The following ENTPD1 variants were observed in gnomAD, a reference collection of about 807,000 sequenced individuals.
ENTPD1 encodes ectonucleoside triphosphate diphosphohydrolase 1.
ENTPD1 carries 33 observed loss-of-function variants against 57.0 expected under a neutral mutation model. That is an observed-to-expected ratio of 0.58 (90% CI 0.44 to 0.77). ENTPD1 has a LOEUF of 0.77. Among genes scored for constraint, ENTPD1 ranks in the 30% least tolerant of loss-of-function variants. ENTPD1 has a pLI of 0.00. For missense variants in ENTPD1, 501 were observed against 603.4 expected (o/e 0.83, Z 1.78); for synonymous variants, 202 against 218.8 (o/e 0.92, Z 0.68).
intron 1 of ENTPD1, among the ~76,000 whole-genome samples, chr10:95,717,116 T>C (rs565021454): frequency 1.5e-4 from 23 of 152,370 alleles, no homozygotes; most frequent in African/African-American, 5.3e-4. Flanking sequence ...CTTCTTGCTG[T>C]TCTGTGAGTA....
intron 7 of ENTPD1, among the ~76,000 whole-genome samples, chr10:95,857,007 GT>G (rs200953594): frequency 8.2e-4 from 124 of 150,500 alleles, no homozygotes; most frequent in Non-Finnish European, 1.4e-3. Flanking sequence ...TAATAAACGT[GT>G]TTTTTTTTAA....
In ENTPD1 at chr10:95,873,266, G is replaced by A; in HGVS notation, c.*6883G>A. 1 of 984,982 alleles carries A rather than the reference G, an allele frequency of 1.0e-6. No individual in the cohort carries two copies. The highest frequency in any genetic ancestry group is 1.2e-6 in the Non-Finnish European group (1 of 829,568). The allele number at this position is 984,982 out of a possible 1,614,324, so 61.0% of individuals were successfully genotyped here. A position where few individuals can be genotyped will look rare whatever the true frequency, so the allele number is the denominator to read the frequency against. ...CACTACCTGACTACTGTCATTCACA[G>A]GCATTCTGTTCCACAGCAGGCCAGC... On this transcript the variant is annotated 3_prime_UTR_variant, in exon 10 of 10. Transcript: ENST00000371205.
chr10:95,800,750 C>T (rs1462125255), intron 1 of ENTPD1, among the ~76,000 whole-genome samples: 3 of 152,150 alleles, frequency 2.0e-5, no homozygotes, highest in Non-Finnish European at 4.4e-5. Context: ...GTATTCTGCC[C>T]GACCCCACAG....
rs1457749704 is a variant in ENTPD1, at chr10:95,845,380, C to A, written c.597C>A (p.Val199=). 1 of 1,614,048 alleles carries A rather than the reference C, an allele frequency of 6.2e-7. No homozygotes were observed. Among genetic ancestry groups the A allele is most frequent in the Non-Finnish European group, 8.5e-7 (1 of 1,180,040 alleles). ...FSQKTRWFSI[V]PYETNNQETF... is the part of the protein sequence containing the mutation. Reference sequence around the variant, plus strand: ...AGAAAACAAGGTGGTTCAGCATAGTCCCATATGAAACCAATAATCAGGAAA... The same window carrying A: ...AGAAAACAAGGTGGTTCAGCATAGTACCATATGAAACCAATAATCAGGAAA... The change falls in exon 6 of 10, where the codon GTC becomes GTA. Residue 199 remains valine, a synonymous_variant. Transcript: ENST00000371205.
At chr10:95,810,384 G>C (rs917305489) in intron 1 of ENTPD1, among the ~76,000 whole-genome samples, 17 of 149,958 alleles carry the variant, frequency 1.1e-4, no homozygotes, top group African/African-American at 3.9e-4. Context: ...CGGCCGGGCA[G>C]AGGTGCTCCT....
chr10:95,739,936 G>T (rs1310294341), intron 1 of ENTPD1, among the ~76,000 whole-genome samples: 2 of 152,144 alleles, frequency 1.3e-5, no homozygotes, highest in Admixed American at 1.3e-4. Context: ...TCATCTTCTT[G>T]TACATTTCCA....
At chr10:95,767,141 CA>C (rs1298456507) in intron 1 of ENTPD1, among the ~76,000 whole-genome samples, 3 of 151,118 alleles carry the variant, frequency 2.0e-5, no homozygotes, top group Non-Finnish European at 4.4e-5. Context: ...GGTGAAACCC[CA>C]TCTCTACTAA....
At chr10:95,750,453 C>T (rs1157251461) in intron 1 of ENTPD1, among the ~76,000 whole-genome samples, 1 of 152,096 alleles carries the variant, frequency 6.6e-6, no homozygotes, top group Non-Finnish European at 1.5e-5. Flanking sequence ...CCCTCTCTTG[C>T]TATGTGATGT....
intron 7 of ENTPD1, among the ~76,000 whole-genome samples, chr10:95,859,823 G>T (rs2098462178): frequency 6.7e-6 from 1 of 148,734 alleles, no homozygotes; most frequent in African/African-American, 2.5e-5. Context: ...CTAAGTAGTA[G>T]AATTTAGAGG....
upstream of ENTPD1, chr10:95,755,946 G>A: frequency 6.8e-7 from 1 of 1,474,488 alleles, no homozygotes; most frequent in Non-Finnish European, 8.9e-7. Flanking sequence ...AGAGAGATTT[G>A]AATATACATT....
Position 95,805,312 on chromosome 10 carries a change from C to A in ENTPD1, c.17-17925C>A, listed in dbSNP as rs143815050. On this transcript the variant is annotated intron_variant, in intron 1 of 9. Coordinates refer to ENST00000371205, the MANE Select transcript of ENTPD1 (RefSeq NM_001776.6). ...TTTTACAAGAGACTAGGATTGCAAC[C>A]CCTCCTTTTTTTTGCTTTCCATTTG... Among the ~76,000 whole-genome samples, 249 of 150,734 alleles carry A rather than the reference C, an allele frequency of 1.7e-3. 6 individuals carry two copies. The East Asian group carries it at 0.042, about 25-fold the overall frequency.
chr10:95,702,144 AC>A, the ENTPD1 span, among the ~76,000 whole-genome samples: 1 of 152,072 alleles, frequency 6.6e-6, no homozygotes, highest in Admixed American at 6.5e-5. Flanking sequence ...AGATAAACAG[AC>A]AAATGTTTAG....
chr10:95,798,530 T>C (rs2098236000), intron 1 of ENTPD1, among the ~76,000 whole-genome samples: 1 of 152,122 alleles, frequency 6.6e-6, no homozygotes, highest in East Asian at 1.9e-4. Flanking sequence ...GGCCTAATAT[T>C]GTCTTGTTAT....
intron 1 of ENTPD1, among the ~76,000 whole-genome samples, chr10:95,781,177 TCTCA>T (rs1452456744): frequency 6.6e-6 from 1 of 152,184 alleles, no homozygotes; most frequent in Non-Finnish European, 1.5e-5. Context: ...CTTCACTTGT[TCTCA>T]CTGATTTGTG....
chr10:95,865,328 G>A (rs1382312162), intron 9 of ENTPD1, among the ~76,000 whole-genome samples: 1 of 152,182 alleles, frequency 6.6e-6, no homozygotes, highest in Non-Finnish European at 1.5e-5. Context: ...TGTGAATGAT[G>A]AGACCGTTGT....
intron 9 of ENTPD1, 96 bp downstream of exon 9, chr10:95,864,957 G>A: frequency 7.1e-7 from 1 of 1,410,358 alleles, no homozygotes; most frequent in African/African-American, 1.4e-5. Context: ...TCAGCATGGT[G>A]TAGCTTTGGC....
chr10:95,717,089 A>G (rs1349294564), intron 1 of ENTPD1, among the ~76,000 whole-genome samples: 1 of 152,216 alleles, frequency 6.6e-6, no homozygotes, highest in Non-Finnish European at 1.5e-5. Context: ...ACTTAGGCAA[A>G]TATGTTGATG....
intron 1 of ENTPD1, among the ~76,000 whole-genome samples, chr10:95,759,399 C>A (rs1428195979): frequency 6.6e-6 from 1 of 152,242 alleles, no homozygotes; most frequent in Non-Finnish European, 1.5e-5. Flanking sequence ...AAGGGCCAAA[C>A]TGGAGATTTC....
At chr10:95,783,972 G>A (rs1310398118) in intron 1 of ENTPD1, among the ~76,000 whole-genome samples, 2 of 152,004 alleles carry the variant, frequency 1.3e-5, no homozygotes, top group Non-Finnish European at 2.9e-5. Context: ...GTGAAAGCGG[G>A]TAGAAAATCT....
Sources: gnomAD v4.1 joint callset for allele counts (sites outside exome capture counted in the v4.1 genomes callset) on GRCh38, gnomAD v4.1.1 for gene constraint, MANE v1.5 for transcripts, NCBI Gene and HGNC (gene_info 2026-07-23, HGNC 2026-07-21) for gene names.